Variants in TMEM161A observed in about 807,000 individuals in gnomAD.
TMEM161A encodes the protein transmembrane protein 161A.
Under a neutral mutation model 57.1 loss-of-function variants are expected in TMEM161A, and 46 were observed. The ratio of observed to expected loss-of-function variants is 0.81; its 90% CI spans 0.64 to 1.03. The LOEUF is 1.03. Among genes scored for constraint, TMEM161A ranks in the 50% least tolerant of loss-of-function variants. TMEM161A has a pLI of 0.00. For synonymous variants in TMEM161A, 288 were observed against 279.0 expected, an observed-to-expected ratio of 1.03 and a Z score of -0.32; for missense variants, 601 against 621.5, an observed-to-expected ratio of 0.97 and a Z score of 0.35.
intron 6 of TMEM161A, 56 bp downstream of exon 6, chr19:19,130,100 C>A: frequency 6.3e-7 from 1 of 1,599,502 alleles, no homozygotes; most frequent in South Asian, 1.1e-5. Context: ...CCATCTTGGT[C>A]AGATTACATG....
At position 19,120,989 on chromosome 19, in the gene TMEM161A, T is replaced by C; in HGVS notation, c.1089+3A>G. ...CTGGCCTAGGTCATCGGGGCGTCCATACCCTCTGCTGGATTTCACGGGCTT... is the reference window on the plus strand; with the variant it reads ...CTGGCCTAGGTCATCGGGGCGTCCACACCCTCTGCTGGATTTCACGGGCTT... On this transcript the variant is annotated splice_donor_region_variant and intron_variant, in intron 10 of 11. Coordinates refer to ENST00000162044, the MANE Select transcript of TMEM161A (RefSeq NM_017814.3). 6.2e-7 allele frequency: 1 copy of C among 1,607,184 alleles called. No individual in the cohort carries two copies. The highest frequency in any genetic ancestry group is 8.5e-7 in the Non-Finnish European group (1 of 1,176,380).
intron 5 of TMEM161A, chr19:19,130,591 C>T: frequency 2.3e-6 from 1 of 435,666 alleles, no homozygotes; most frequent in East Asian, 3.9e-5. Flanking sequence ...CTTCACATCC[C>T]TTGGAAAAGC....
intron 6 of TMEM161A, among the ~76,000 whole-genome samples, chr19:19,125,384 CTT>C (rs956265316): frequency 2.6e-5 from 4 of 152,060 alleles, no homozygotes; most frequent in Admixed American, 2.0e-4. Context: ...GAGTCTTGCT[CTT>C]GTCGCCCAGG....
At chr19:19,130,532 T>A in intron 5 of TMEM161A, 1 of 571,230 alleles carries the variant, frequency 1.8e-6, no homozygotes, top group South Asian at 2.1e-5. Context: ...ACCGTGTCTG[T>A]ACAGCCTCCC....
chr19:19,120,178 A>G lies in TMEM161A; in HGVS notation c.1192T>C (p.Tyr398His). The G allele has an allele frequency of 6.5e-7, 1 of 1,549,128 alleles. No homozygotes were observed. Among genetic ancestry groups the G allele is most frequent in the South Asian group, 1.2e-5 (1 of 84,218 alleles). Residue 398 changes from tyrosine to histidine, a missense_variant, in exon 12 of 12, where the codon TAT becomes CAT. Tyr to His is a moderately conservative substitution (Grantham distance 83). Coordinates refer to ENST00000162044, the MANE Select transcript of TMEM161A (RefSeq NM_017814.3). Reference protein sequence around the residue: ...CTLLLKTLGGYSWGLGPAPLL... With the variant: ...CTLLLKTLGGHSWGLGPAPLL... ...GGAGCTGGGCCCAGGCCCCAGGAAT[A>G]GCCTCCTAGGAGAAGAGGATGAAGC...
intron 3 of TMEM161A, 102 bp downstream of exon 3, chr19:19,133,028 C>T (rs1402405577): frequency 2.1e-5 from 23 of 1,095,074 alleles, no homozygotes; most frequent in Middle Eastern, 2.8e-4. Context: ...ATGGGTGGGC[C>T]GGTCCTGTGT....
chr19:19,121,014 T>A lies in TMEM161A; in HGVS notation c.1067A>T (p.Glu356Val). 1 of 1,608,332 alleles carries A rather than the reference T, an allele frequency of 6.2e-7. No individual in the cohort carries two copies. The highest frequency in any genetic ancestry group is 1.1e-5 in the South Asian group (1 of 90,618). ...EQLRREAGRI[E>V]AREIQQRVVR... ...TACCCTCTGCTGGATTTCACGGGCT[T>A]CGATGCGGCCAGCCTCCCTTCGCAG... is the stretch of plus-strand genomic sequence containing the variant. The change falls in exon 10 of 12, where the codon GAA (glutamate) becomes GTA (valine). Residue 356 changes from glutamate (E) to valine (V), a missense_variant. Transcript: ENST00000162044. This position sits in a 1 kb window ranked among gnomAD's most constrained non-coding sequence, Gnocchi z 5.8.
At chr19:19,136,279 A>T (rs2059984010) in intron 1 of TMEM161A, among the ~76,000 whole-genome samples, 1 of 152,182 alleles carries the variant, frequency 6.6e-6, no homozygotes, top group Non-Finnish European at 1.5e-5. Context: ...TATGAAAATA[A>T]TCCTTTAATC....
At chr19:19,127,150 G>A (rs1320809259) in intron 6 of TMEM161A, among the ~76,000 whole-genome samples, 1 of 152,002 alleles carries the variant, frequency 6.6e-6, no homozygotes, top group African/African-American at 2.4e-5. Context: ...TTCCACTTCT[G>A]GATATATACT....
chr19:19,136,781 G>A (rs1052827424), intron 1 of TMEM161A, among the ~76,000 whole-genome samples: 3 of 151,980 alleles, frequency 2.0e-5, no homozygotes, highest in African/African-American at 7.3e-5. Flanking sequence ...GGTTGGTGGC[G>A]GCATCTTTCT....
chr19:19,125,944 C>T (rs566364867), intron 6 of TMEM161A, among the ~76,000 whole-genome samples: 2 of 151,924 alleles, frequency 1.3e-5, no homozygotes, highest in Non-Finnish European at 2.9e-5. Flanking sequence ...GCCTGGTCAA[C>T]GTGGTGAAAC....
chr19:19,122,437 C>G (rs1440422725), intron 6 of TMEM161A, among the ~76,000 whole-genome samples: 1 of 152,054 alleles, frequency 6.6e-6, no homozygotes, highest in Non-Finnish European at 1.5e-5. Flanking sequence ...AAACCAAAGT[C>G]CTCCTGGAGG....
chr19:19,137,402 T>A (rs956110160), intron 1 of TMEM161A, among the ~76,000 whole-genome samples: 2 of 152,092 alleles, frequency 1.3e-5, no homozygotes, highest in Admixed American at 6.5e-5. Context: ...CCCAGAGGTC[T>A]GTCCAGGGAT....
At chr19:19,120,887 G>A in intron 10 of TMEM161A, 26 bp from the exon 11 acceptor site, 1 of 1,612,202 alleles carries the variant, frequency 6.2e-7, no homozygotes, top group Non-Finnish European at 8.5e-7. Context: ...AGGGGTGGCT[G>A]CAGCAGGAGG....
intron 1 of TMEM161A, 27 bp downstream of exon 1, chr19:19,138,399 C>T: frequency 6.2e-7 from 1 of 1,601,120 alleles, no homozygotes; most frequent in Non-Finnish European, 8.5e-7. Flanking sequence ...CCTGCAGAAC[C>T]CCCCACTTCG....
At chr19:19,123,527 A>C (rs1367635717) in intron 6 of TMEM161A, among the ~76,000 whole-genome samples, 2 of 152,234 alleles carry the variant, frequency 1.3e-5, no homozygotes, top group Admixed American at 1.3e-4. Context: ...GTAGAAACAA[A>C]GTCAAATATG....
intron 10 of TMEM161A, 39 bp downstream of exon 10, chr19:19,120,953 C>T (rs1468615970): frequency 1.2e-6 from 2 of 1,609,100 alleles, no homozygotes; most frequent in South Asian, 1.1e-5. Context: ...ACCCTGAGCC[C>T]CAGGTTCCCT....
intron 5 of TMEM161A, among the ~76,000 whole-genome samples, chr19:19,131,458 A>C (rs2059957691): frequency 6.6e-6 from 1 of 151,150 alleles, no homozygotes; most frequent in African/African-American, 2.4e-5. Flanking sequence ...CAACAACAAC[A>C]AATATATATA....
chr19:19,134,055 T>TA (rs2059972844), intron 2 of TMEM161A, among the ~76,000 whole-genome samples: 1 of 77,036 alleles, frequency 1.3e-5, no homozygotes, highest in Non-Finnish European at 3.0e-5. Flanking sequence ...ATCTCTGACG[T>TA]GTTTTTTTTT....
Sources: allele counts gnomAD v4.1 joint callset (sites outside exome capture counted in the v4.1 genomes callset), GRCh38; gene constraint gnomAD v4.1.1; non-coding constraint Gnocchi (gnomAD v3.1); transcripts MANE v1.5; gene names NCBI Gene and HGNC (gene_info 2026-07-23, HGNC 2026-07-21).